Variants in EXOC6 observed in about 807,000 individuals in gnomAD.
The protein encoded by EXOC6 is SEC15-like 1.
A neutral mutation model predicts 112.5 loss-of-function variants in EXOC6; 60 were observed. The observed-to-expected ratio is 0.53, with a 90% CI of 0.43 to 0.66. The LOEUF (loss-of-function observed/expected upper bound fraction) is 0.66. Ranked by LOEUF, EXOC6 falls within the 30% of genes least tolerant of loss-of-function variation. The pLI is 0.00. For missense variants in EXOC6, 855 were observed against 957.1 expected (o/e 0.89, Z 1.41); for synonymous variants, 295 against 308.0 (o/e 0.96, Z 0.44).
intron 1 of EXOC6, among the ~76,000 whole-genome samples, chr10:92,857,782 T>C (rs1847674266): frequency 1.1e-4 from 1 of 9,392 alleles, no homozygotes; most frequent in Admixed American, 2.3e-3. Context: ...TGGTGTTCTT[T>C]GTGTGTGTCT....
rs748691647 is a variant in EXOC6, at chr10:92,920,041, T to C, written c.879T>C (p.Tyr293=). 2 of 1,599,850 alleles carry C rather than the reference T, an allele frequency of 1.3e-6. No individual in the cohort carries two copies. Among genetic ancestry groups the C allele is most frequent in the Non-Finnish European group, 8.5e-7 (1 of 1,170,038 alleles). The part of the protein sequence containing the change: ...FSPVYRCLHI[Y]SVLGDEETFE... Reference sequence around the variant, plus strand: ...CTGTTTATCGATGTTTGCACATTTATTCTGTTTTGGTAAGTATGTTTTATA... The same window carrying C: ...CTGTTTATCGATGTTTGCACATTTACTCTGTTTTGGTAAGTATGTTTTATA... Residue 293 remains tyrosine, a synonymous_variant, in exon 8 of 22, where the codon TAT becomes TAC. Coordinates refer to ENST00000260762, the MANE Select transcript of EXOC6 (RefSeq NM_019053.6).
intron 1 of EXOC6, among the ~76,000 whole-genome samples, chr10:92,851,957 A>G (rs1014707913): frequency 6.6e-6 from 1 of 152,016 alleles, no homozygotes; most frequent in Non-Finnish European, 1.5e-5. Context: ...GGTCCCAGCT[A>G]CTCGGGAGGC....
intron 1 of EXOC6, among the ~76,000 whole-genome samples, chr10:92,887,803 G>T (rs1042710795): frequency 1.3e-5 from 2 of 152,152 alleles, no homozygotes; most frequent in African/African-American, 4.8e-5. Flanking sequence ...TTTTTCTAGG[G>T]CCAGCATTCT....
chr10:93,012,384 T>G (rs1844289911), intron 19 of EXOC6, among the ~76,000 whole-genome samples: 1 of 152,120 alleles, frequency 6.6e-6, no homozygotes, highest in Non-Finnish European at 1.5e-5. Context: ...AAAAAACAGC[T>G]CTTACTTCCA....
At chr10:92,964,446 T>C (rs1177504605) in intron 17 of EXOC6, among the ~76,000 whole-genome samples, 1 of 152,166 alleles carries the variant, frequency 6.6e-6, no homozygotes, top group Non-Finnish European at 1.5e-5. Context: ...TAATGGATTA[T>C]TGGAATTTTG....
intron 20 of EXOC6, among the ~76,000 whole-genome samples, chr10:93,035,943 G>A (rs1451653979): frequency 2.0e-5 from 3 of 151,646 alleles, no homozygotes; most frequent in South Asian, 2.1e-4. Context: ...CTCTCAGGCC[G>A]GGCACGGTGG....
At chr10:92,949,285 A>G (rs1853248048) in intron 14 of EXOC6, among the ~76,000 whole-genome samples, 1 of 152,200 alleles carries the variant, frequency 6.6e-6, no homozygotes, top group African/African-American at 2.4e-5. Context: ...AACTAAGCAT[A>G]TTATGTGTAC....
At chr10:92,835,814 A>T (rs574122474) in intron 1 of EXOC6, among the ~76,000 whole-genome samples, 1 of 152,342 alleles carries the variant, frequency 6.6e-6, no homozygotes, top group East Asian at 1.9e-4. Flanking sequence ...ATCAATATGT[A>T]GGTATAGTTG....
rs574791889 is a variant in EXOC6 at position 92,970,953 on chromosome 10, T to C, written c.1774-3100T>C. On this transcript the variant is annotated intron_variant, in intron 17 of 21. Transcript: ENST00000260762. ...TGTGGTCTGTTCTTGCTGAGTGGAG[T>C]GTACAATAGATGTCTGGTAGGTCCA... Among the ~76,000 whole-genome samples, 279 of 152,348 alleles carry C rather than the reference T, an allele frequency of 1.8e-3. 1 individual carries two copies. Among genetic ancestry groups the C allele is most frequent in the African/African-American group, 6.6e-3 (273 of 41,582 alleles).
intron 19 of EXOC6, among the ~76,000 whole-genome samples, chr10:93,007,826 A>C (rs1358648014): frequency 6.6e-6 from 1 of 152,190 alleles, no homozygotes; most frequent in African/African-American, 2.4e-5. Flanking sequence ...TATTGTTATA[A>C]TATACCTTCC....
chr10:93,041,033 G>A (rs921111710), intron 20 of EXOC6, among the ~76,000 whole-genome samples: 2 of 152,176 alleles, frequency 1.3e-5, no homozygotes, highest in African/African-American at 2.4e-5. Context: ...ACTTAGGTGT[G>A]TGTCCCGCAT....
At chr10:93,058,182 A>G (rs777970509) in intron 21 of EXOC6, 41 bp from the exon 22 acceptor site, 3 of 1,576,348 alleles carry the variant, frequency 1.9e-6, no homozygotes, top group Non-Finnish European at 2.6e-6. Context: ...TTAGCTTTTA[A>G]TTTTCTTTTA....
At chr10:92,958,139 TATAAA>T (rs1477891678) in intron 17 of EXOC6, among the ~76,000 whole-genome samples, 3 of 152,182 alleles carry the variant, frequency 2.0e-5, no homozygotes, top group African/African-American at 4.8e-5. Flanking sequence ...CTGTAAGTGA[TATAAA>T]AGAGGTTCAA....
intron 12 of EXOC6, among the ~76,000 whole-genome samples, chr10:92,938,699 A>C (rs1007988751): frequency 6.6e-6 from 1 of 152,204 alleles, no homozygotes; most frequent in African/African-American, 2.4e-5. Context: ...TGATGTATAC[A>C]ATAGTAGAGA....
At chr10:92,868,106 C>G (rs1848267324) in intron 1 of EXOC6, among the ~76,000 whole-genome samples, 1 of 151,744 alleles carries the variant, frequency 6.6e-6, no homozygotes. Context: ...TCAGTCTTTC[C>G]CTTTTTAGCT....
chr10:92,886,735 A>G (rs1046767200), intron 1 of EXOC6, among the ~76,000 whole-genome samples: 1 of 152,234 alleles, frequency 6.6e-6, no homozygotes, highest in Admixed American at 6.5e-5. Flanking sequence ...GTAATGATTA[A>G]CATAGTTAAG....
chr10:92,967,111 C>G (rs1319378795), intron 17 of EXOC6, among the ~76,000 whole-genome samples: 2 of 151,446 alleles, frequency 1.3e-5, no homozygotes, highest in African/African-American at 4.9e-5. Context: ...CTGGTCATAT[C>G]CTTCGCCCAC....
chr10:92,932,221 AT>A (rs1281890700), intron 9 of EXOC6, among the ~76,000 whole-genome samples: 1 of 152,192 alleles, frequency 6.6e-6, no homozygotes, highest in Non-Finnish European at 1.5e-5. Flanking sequence ...AATATGAGTA[AT>A]GTTATATGAC....
chr10:92,978,428 A>T (rs1842713966), intron 18 of EXOC6, among the ~76,000 whole-genome samples: 1 of 152,120 alleles, frequency 6.6e-6, no homozygotes, highest in Non-Finnish European at 1.5e-5. Flanking sequence ...CAAAAGAGAA[A>T]AATGGTCCTA....
Sources: gnomAD v4.1 joint callset for allele counts (sites outside exome capture counted in the v4.1 genomes callset) on GRCh38, gnomAD v4.1.1 for gene constraint, MANE v1.5 for transcripts, NCBI Gene and HGNC (gene_info 2026-07-23, HGNC 2026-07-21) for gene names.